Variants in MPHOSPH6 observed in about 807,000 individuals in gnomAD.
MPHOSPH6 encodes the protein M-phase phosphoprotein 6.
Under a neutral mutation model 21.8 loss-of-function variants are expected in MPHOSPH6, and 25 were observed. That is an observed-to-expected ratio of 1.15 (90% CI 0.83 to 1.60). MPHOSPH6 has a LOEUF of 1.60. Ranked by LOEUF, MPHOSPH6 falls within the 40% of genes most tolerant of loss-of-function variation. The pLI is 0.00. For synonymous variants in MPHOSPH6, 84 were observed against 56.5 expected (o/e 1.49, Z -2.18); for missense variants, 269 against 181.8 (o/e 1.48, Z -2.76).
chr16:82,160,818 TGGCA>T (rs1163758724), intron 2 of MPHOSPH6, among the ~76,000 whole-genome samples: 34 of 152,132 alleles, frequency 2.2e-4, no homozygotes, highest in Admixed American at 2.0e-3. Flanking sequence ...TCCCAAAATA[TGGCA>T]TCTTGGCATA....
chr16:82,151,929 C>T (rs16956562), intron 2 of MPHOSPH6, among the ~76,000 whole-genome samples: 6,804 of 152,262 alleles, frequency 0.045, 515 homozygotes, highest in African/African-American at 0.15. Context: ...TGACACACTA[C>T]TCCAAATCAT....
intron 4 of MPHOSPH6, 86 bp from the exon 5 acceptor site, chr16:82,148,949 A>C (rs532480762): frequency 1.2e-4 from 172 of 1,475,334 alleles, no homozygotes; most frequent in Non-Finnish European, 1.5e-4. Context: ...CCAAATATGC[A>C]ATAAAAAAGA....
At chr16:82,161,390 A>G (rs184698815) in intron 2 of MPHOSPH6, among the ~76,000 whole-genome samples, 2 of 152,210 alleles carry the variant, frequency 1.3e-5, no homozygotes, top group African/African-American at 4.8e-5. Context: ...ACAGACCACA[A>G]AACACAAGTA....
intron 1 of MPHOSPH6, among the ~76,000 whole-genome samples, chr16:82,165,443 C>A (rs1906743099): frequency 6.6e-6 from 1 of 151,990 alleles, no homozygotes. Context: ...TATTTCTCCT[C>A]CTTCTATTCC....
intron 3 of MPHOSPH6, among the ~76,000 whole-genome samples, chr16:82,150,257 T>C (rs1906222054): frequency 6.6e-6 from 1 of 152,098 alleles, no homozygotes; most frequent in Non-Finnish European, 1.5e-5. Flanking sequence ...GCAGCAGACA[T>C]ACTTTGGAAT....
At chr16:82,161,498 C>T (rs967394940) in intron 2 of MPHOSPH6, among the ~76,000 whole-genome samples, 1 of 152,150 alleles carries the variant, frequency 6.6e-6, no homozygotes, top group African/African-American at 2.4e-5. Flanking sequence ...GGACCATATC[C>T]TTGGGGAAAA....
intron 2 of MPHOSPH6, among the ~76,000 whole-genome samples, chr16:82,162,670 C>A (rs1375109874): frequency 2.0e-5 from 3 of 152,164 alleles, no homozygotes; most frequent in Admixed American, 2.0e-4. Flanking sequence ...CCCCGAGGGG[C>A]CCCCCTATGC....
intron 2 of MPHOSPH6, among the ~76,000 whole-genome samples, chr16:82,153,034 G>C (rs950355291): frequency 2.0e-5 from 3 of 152,150 alleles, no homozygotes; most frequent in African/African-American, 7.2e-5. Context: ...GGCTGAGGCA[G>C]GAGAACTGCT....
chr16:82,148,210 A>G lies in MPHOSPH6; in HGVS notation c.*521T>C, dbSNP rs1250487088. 1.3e-5 allele frequency: 2 copies of G among 152,268 alleles called. No homozygotes were observed. The highest frequency in any genetic ancestry group is 4.8e-5 in the African/African-American group (2 of 41,460). The allele number at this position is 152,268 out of a possible 1,614,324, so 9.4% of individuals were successfully genotyped here. On this transcript the variant is annotated 3_prime_UTR_variant, in exon 5 of 5. Transcript: ENST00000258169. ...CAGAGCAAATTTTTCTATCAATTCA[A>G]TGCTTTAAATAAAACAACATAATAC...
chr16:82,149,546 T>C (rs1046604392), intron 3 of MPHOSPH6, 143 bp from the exon 4 acceptor site: 2 of 706,924 alleles, frequency 2.8e-6, no homozygotes, highest in African/African-American at 3.5e-5. Context: ...CTGTAATACT[T>C]GATACCACAA....
rs767368686 is a variant in MPHOSPH6, at chr16:82,149,419, G to C, written c.256-16C>G. The C allele has an allele frequency of 2.5e-6, 4 of 1,606,896 alleles. No individual in the cohort carries two copies. Among genetic ancestry groups the C allele is most frequent in the Non-Finnish European group, 3.4e-6 (4 of 1,177,198 alleles). ...GCATCAATTTCTGAAAAATACACCA[G>C]TGCTGACCTTCAGGCTAGAAAACGC... On this transcript the variant is annotated splice_polypyrimidine_tract_variant and intron_variant, in intron 3 of 4. Transcript: ENST00000258169.
At chr16:82,153,138 GA>G (rs1372089919) in intron 2 of MPHOSPH6, among the ~76,000 whole-genome samples, 1 of 151,592 alleles carries the variant, frequency 6.6e-6, no homozygotes, top group Non-Finnish European at 1.5e-5. Context: ...CAAAAAAAAA[GA>G]AAAAAAAGGA....
At chr16:82,165,117 T>TTTTC (rs1567616025) in intron 1 of MPHOSPH6, among the ~76,000 whole-genome samples, 1 of 73,550 alleles carries the variant, frequency 1.4e-5, no homozygotes, top group Non-Finnish European at 3.1e-5. Context: ...GATATTTCTT[T>TTTTC]TTTATTTTTT....
Position 82,170,172 on chromosome 16 carries a change from C to A in MPHOSPH6, c.4G>T (p.Ala2Ser). 6.3e-7 allele frequency: 1 copy of A among 1,590,634 alleles called. No individual in the cohort carries two copies. The highest frequency in any genetic ancestry group is 8.6e-7 in the Non-Finnish European group (1 of 1,169,366). The change falls in exon 1 of 5, where the codon GCG (alanine) becomes TCG (serine). Residue 2 changes from alanine to serine, a missense_variant. By Grantham distance (99) the Ala-to-Ser change is moderately conservative (BLOSUM62 1). Coordinates refer to ENST00000258169, the MANE Select transcript of MPHOSPH6 (RefSeq NM_005792.2). M[A>S]AERKTRLSKN... ...GACAACCTTGTCTTTCGCTCGGCCG[C>A]CATGGTAGCTTCCGCCCAGCGCCGC...
At position 82,151,487 on chromosome 16, in the gene MPHOSPH6, GA is replaced by G. The variant is rs781610505; in HGVS notation, c.191del (p.Phe64SerfsTer24). The G allele has an allele frequency of 1.2e-6, 2 of 1,601,894 alleles. No homozygotes were observed. Among genetic ancestry groups the G allele is most frequent in the African/African-American group, 2.7e-5 (2 of 74,396 alleles). On this transcript the variant is annotated frameshift_variant, in exon 3 of 5. Transcript: ENST00000258169. LOFTEE classifies it high-confidence loss of function. ...CATAGAGAAGATCTTCACATAGTAA[GA>G]AACTCTGCTCTTCTATTATGAAACT... The part of the protein sequence containing the change: ...KESFIIEEQS[F>X]LLCEDLLYGR...
intron 2 of MPHOSPH6, among the ~76,000 whole-genome samples, chr16:82,156,330 A>C (rs1451809077): frequency 1.3e-5 from 2 of 152,228 alleles, no homozygotes; most frequent in African/African-American, 2.4e-5. Flanking sequence ...TCAGAAAGAA[A>C]TATACTGATG....
intron 2 of MPHOSPH6, among the ~76,000 whole-genome samples, chr16:82,156,492 G>A (rs72487977): frequency 0.12 from 17,902 of 152,052 alleles, 1,294 homozygotes; most frequent in East Asian, 0.29. Context: ...ACTTCACAAA[G>A]GTAGATATGG....
intron 2 of MPHOSPH6, among the ~76,000 whole-genome samples, chr16:82,162,611 G>A (rs1005691799): frequency 7.9e-5 from 12 of 152,158 alleles, no homozygotes; most frequent in Non-Finnish European, 4.4e-5. Flanking sequence ...GACTCTGCAA[G>A]CTCAGGTGGT....
chr16:82,158,640 T>C (rs981854542), intron 2 of MPHOSPH6, among the ~76,000 whole-genome samples: 4 of 152,154 alleles, frequency 2.6e-5, no homozygotes, highest in Non-Finnish European at 4.4e-5. Context: ...TTGGGTTCTT[T>C]GGCAGACATT....
Sources: gnomAD v4.1 joint callset for allele counts (sites outside exome capture counted in the v4.1 genomes callset) on GRCh38, gnomAD v4.1.1 for gene constraint, MANE v1.5 for transcripts, NCBI Gene and HGNC (gene_info 2026-07-23, HGNC 2026-07-21) for gene names.